Variants in LRMDA observed in about 807,000 individuals in gnomAD.
LRMDA encodes the protein leucine rich melanocyte differentiation associated.
A neutral mutation model predicts 29.8 loss-of-function variants in LRMDA; 18 were observed. The ratio of observed to expected loss-of-function variants is 0.60; its 90% CI spans 0.42 to 0.90. The LOEUF (loss-of-function observed/expected upper bound fraction) is 0.90. Ranked by LOEUF, LRMDA falls within the 40% of genes least tolerant of loss-of-function variation. The pLI is 0.00. For missense variants in LRMDA, 273 were observed against 273.9 expected (o/e 1.00, Z 0.02); for synonymous variants, 125 against 109.4 (o/e 1.14, Z -0.89).
At chr10:76,078,986 T>A (rs895866283) in intron 5 of LRMDA, among the ~76,000 whole-genome samples, 1 of 152,192 alleles carries the variant, frequency 6.6e-6, no homozygotes, top group Non-Finnish European at 1.5e-5. Context: ...TTATATTTAC[T>A]TTGTTTATCA....
At chr10:76,299,561 G>T (rs1383381228) in intron 5 of LRMDA, among the ~76,000 whole-genome samples, 1 of 150,750 alleles carries the variant, frequency 6.6e-6, no homozygotes, top group African/African-American at 2.4e-5. Flanking sequence ...CTTGTACAAT[G>T]AATGGTCAGT....
At chr10:75,512,947 A>C (rs780469179) in intron 2 of LRMDA, among the ~76,000 whole-genome samples, 10 of 152,144 alleles carry the variant, frequency 6.6e-5, no homozygotes, top group Admixed American at 2.0e-4. Context: ...TACATAGCCA[A>C]GTTTTATCTT....
At chr10:75,471,752 A>G (rs1350363947) in intron 2 of LRMDA, among the ~76,000 whole-genome samples, 1 of 152,164 alleles carries the variant, frequency 6.6e-6, no homozygotes, top group Non-Finnish European at 1.5e-5. Context: ...TTGAATGTTT[A>G]TTTCTAATTT....
At chr10:76,036,595 G>A (rs1482751297) in intron 3 of LRMDA, among the ~76,000 whole-genome samples, 1 of 152,202 alleles carries the variant, frequency 6.6e-6, no homozygotes, top group Non-Finnish European at 1.5e-5. Flanking sequence ...GCAGGCTTGG[G>A]GAACCGTTTT....
intron 2 of LRMDA, among the ~76,000 whole-genome samples, chr10:75,577,529 T>A (rs1030887234): frequency 6.6e-6 from 1 of 152,010 alleles, no homozygotes; most frequent in Non-Finnish European, 1.5e-5. Context: ...AATTCGGAAA[T>A]ACAGAGAACA....
intron 5 of LRMDA, among the ~76,000 whole-genome samples, chr10:76,315,906 C>T (rs889086946): frequency 6.6e-6 from 1 of 152,150 alleles, no homozygotes; most frequent in Non-Finnish European, 1.5e-5. Flanking sequence ...ACACCCTCCC[C>T]ACTCCAATGA....
intron 6 of LRMDA, among the ~76,000 whole-genome samples, chr10:76,490,709 T>C (rs1842825493): frequency 6.6e-6 from 1 of 151,900 alleles, no homozygotes. Context: ...CAACAGATTA[T>C]TATTATTTTT....
intron 2 of LRMDA, among the ~76,000 whole-genome samples, chr10:75,948,957 T>C (rs1383294418): frequency 6.6e-6 from 1 of 151,942 alleles, no homozygotes; most frequent in Admixed American, 6.6e-5. Context: ...TAAGACTGGC[T>C]TTGAGAACCC....
intron 2 of LRMDA, among the ~76,000 whole-genome samples, chr10:75,581,786 G>T (rs1447476249): frequency 6.6e-6 from 1 of 152,040 alleles, no homozygotes; most frequent in Non-Finnish European, 1.5e-5. Flanking sequence ...GCCTTTTAGG[G>T]GGTGGGGGGC....
chr10:76,289,362 T>C (rs574734414), intron 5 of LRMDA, among the ~76,000 whole-genome samples: 3 of 152,326 alleles, frequency 2.0e-5, no homozygotes, highest in East Asian at 1.9e-4. Context: ...AGTGGCAGAA[T>C]TGGCCTCTGA....
intron 2 of LRMDA, among the ~76,000 whole-genome samples, chr10:75,835,582 T>C (rs1844419961): frequency 1.3e-5 from 2 of 152,344 alleles, no homozygotes; most frequent in Admixed American, 1.3e-4. Flanking sequence ...AGAAGGTTGA[T>C]AGACAGCACG....
chr10:76,241,859 T>C (rs1243897967), intron 5 of LRMDA, among the ~76,000 whole-genome samples: 1 of 152,178 alleles, frequency 6.6e-6, no homozygotes, highest in African/African-American at 2.4e-5. Context: ...ACAGTCAACA[T>C]TGCTTCCTTA....
chr10:75,843,814 A>C (rs969099967), intron 2 of LRMDA, among the ~76,000 whole-genome samples: 1 of 152,194 alleles, frequency 6.6e-6, no homozygotes, highest in Non-Finnish European at 1.5e-5. Context: ...GCAACACAAA[A>C]TTTAAAATAA....
At chr10:75,735,807 G>A (rs760077459) in intron 2 of LRMDA, among the ~76,000 whole-genome samples, 20 of 152,172 alleles carry the variant, frequency 1.3e-4, no homozygotes, top group Non-Finnish European at 1.0e-4. Flanking sequence ...GAGTCCACCC[G>A]AGTCGCCTCA....
chr10:75,976,142 T>C (rs1046398135), intron 2 of LRMDA, among the ~76,000 whole-genome samples: 5 of 152,222 alleles, frequency 3.3e-5, no homozygotes, highest in Non-Finnish European at 5.9e-5. Context: ...CCTGGTCTGG[T>C]CTGGTCCTAT....
intron 5 of LRMDA, among the ~76,000 whole-genome samples, chr10:76,120,446 C>T (rs540763672): frequency 2.4e-4 from 36 of 152,160 alleles, no homozygotes; most frequent in Non-Finnish European, 5.1e-4. Flanking sequence ...CCTTGACCTC[C>T]CAAAGTGCTG....
chr10:76,141,502 A>G (rs1026934366), intron 5 of LRMDA, among the ~76,000 whole-genome samples: 3 of 152,124 alleles, frequency 2.0e-5, no homozygotes, highest in Non-Finnish European at 4.4e-5. Context: ...GAATTTAGAT[A>G]TGTATGTCAA....
chr10:76,416,316 A>T (rs995640961), intron 6 of LRMDA, among the ~76,000 whole-genome samples: 1 of 152,196 alleles, frequency 6.6e-6, no homozygotes, highest in Non-Finnish European at 1.5e-5. Context: ...GTTCGTGTGG[A>T]TATGTGTCAA....
At chr10:75,980,518 AG>A (rs1486607424) in intron 2 of LRMDA, among the ~76,000 whole-genome samples, 8 of 152,122 alleles carry the variant, frequency 5.3e-5, no homozygotes, top group Non-Finnish European at 1.0e-4. Context: ...TTTTTTTGGC[AG>A]GGGGGCTATA....
Sources: gnomAD v4.1 joint callset for allele counts (sites outside exome capture counted in the v4.1 genomes callset) on GRCh38, gnomAD v4.1.1 for gene constraint, MANE v1.5 for transcripts, NCBI Gene and HGNC (gene_info 2026-07-23, HGNC 2026-07-21) for gene names.